The following DPY19L1 variants were observed in gnomAD, a reference collection of about 807,000 sequenced individuals.
The protein encoded by DPY19L1 is protein C-mannosyl-transferase DPY19L1.
Under a neutral mutation model 96.9 loss-of-function variants are expected in DPY19L1, and 35 were observed. The ratio of observed to expected loss-of-function variants is 0.36; its 90% confidence interval spans 0.28 to 0.48. The LOEUF (loss-of-function observed/expected upper bound fraction) is 0.48. DPY19L1 is among the 20% of genes least tolerant of loss of function. The probability of loss-of-function intolerance (pLI) is 0.99; values close to 1 mark genes in which losing one functional copy is unlikely to be tolerated. For missense variants in DPY19L1, 521 were observed against 777.9 expected (o/e 0.67, Z 3.93); for synonymous variants, 205 against 252.6 (o/e 0.81, Z 1.79).
At chr7:34,967,587 T>G (rs1427272762) in intron 9 of DPY19L1, among the ~76,000 whole-genome samples, 1 of 152,218 alleles carries the variant, frequency 6.6e-6, no homozygotes, top group Non-Finnish European at 1.5e-5. Context: ...CTAAGAGTAC[T>G]GGAATTATTT....
chr7:35,003,733 G>T (rs1049002830), intron 6 of DPY19L1, among the ~76,000 whole-genome samples: 1 of 152,164 alleles, frequency 6.6e-6, no homozygotes, highest in Non-Finnish European at 1.5e-5. Context: ...AACCTATATG[G>T]GATTTCTCAG....
chr7:34,936,465 AAG>A (rs1409441116), intron 21 of DPY19L1, among the ~76,000 whole-genome samples: 3 of 152,206 alleles, frequency 2.0e-5, no homozygotes, highest in Admixed American at 6.5e-5. Context: ...CAGTTGTTTC[AAG>A]AGAGTGAAGC....
chr7:34,997,609 CAAAAAAAAAA>C (rs3048611), intron 6 of DPY19L1, among the ~76,000 whole-genome samples: 2 of 75,658 alleles, frequency 2.6e-5, no homozygotes, highest in Non-Finnish European at 5.1e-5. Context: ...GACTCCGTCT[CAAAAAAAAAA>C]AAAAAAAAAA....
rs146547361 is a variant in DPY19L1 at position 35,031,222 on chromosome 7, G to A, written c.298+5875C>T. On this transcript the variant is annotated intron_variant, in intron 1 of 21. Transcript: ENST00000638088. ...CAACCTCAGATTGAAAATAGTAGGC[G>A]GAAAAAAAATCCATCTGTACTGAAC... Among the ~76,000 whole-genome samples, 199 of 151,830 alleles carry A rather than the reference G, an allele frequency of 1.3e-3. 1 individual carries two copies. The highest frequency in any genetic ancestry group is 1.5e-3 in the South Asian group (7 of 4,812).
chr7:34,935,589 A>C (rs1290342811), intron 21 of DPY19L1, among the ~76,000 whole-genome samples: 1 of 152,120 alleles, frequency 6.6e-6, no homozygotes, highest in African/African-American at 2.4e-5. Context: ...CCAGGCACAG[A>C]TTAAGCACTA....
intron 8 of DPY19L1, among the ~76,000 whole-genome samples, chr7:34,969,822 T>C (rs542875330): frequency 1.3e-5 from 2 of 152,310 alleles, no homozygotes; most frequent in South Asian, 4.1e-4. Flanking sequence ...TGACTGAATA[T>C]TTAAAAATAC....
In DPY19L1 at chr7:34,930,622, A is replaced by G. The variant is rs1783733235; in HGVS notation, c.*951T>C. ...TACTACAGTCTACTGTTCCACTATA[A>G]ATGATGTCTAATCAAATATACATTA... On this transcript the variant is annotated 3_prime_UTR_variant, in exon 22 of 22. Transcript: ENST00000638088. 1 of 152,188 alleles carries G rather than the reference A, an allele frequency of 6.6e-6. No homozygotes were observed. Among genetic ancestry groups the G allele is most frequent in the Non-Finnish European group, 1.5e-5 (1 of 68,036 alleles). The allele number at this position is 152,188 out of a possible 1,614,324, so 9.4% of individuals were successfully genotyped here.
intron 1 of DPY19L1, among the ~76,000 whole-genome samples, chr7:35,036,030 C>A (rs1043541850): frequency 6.6e-6 from 1 of 152,086 alleles, no homozygotes; most frequent in Non-Finnish European, 1.5e-5. Flanking sequence ...CTAGGAACAA[C>A]CTTCTTGAGC....
intron 20 of DPY19L1, 127 bp downstream of exon 20, chr7:34,939,149 C>T: frequency 1.3e-6 from 1 of 781,226 alleles, no homozygotes; most frequent in South Asian, 2.2e-5. Context: ...GCTTTCTGCT[C>T]CCTGACTCGA....
intron 7 of DPY19L1, among the ~76,000 whole-genome samples, chr7:34,989,155 CA>C (rs938387771): frequency 6.6e-5 from 10 of 151,932 alleles, no homozygotes; most frequent in African/African-American, 2.4e-4. Context: ...AAATATTTTG[CA>C]AAAAGTACTT....
At chr7:34,957,266 C>G (rs1784398909) in intron 11 of DPY19L1, among the ~76,000 whole-genome samples, 1 of 152,110 alleles carries the variant, frequency 6.6e-6, no homozygotes, top group African/African-American at 2.4e-5. Context: ...CCTGTAATCG[C>G]AGCTACTTGG....
chr7:34,931,785 A>T, intron 21 of DPY19L1, 56 bp from the exon 22 acceptor site: 5 of 1,523,640 alleles, frequency 3.3e-6, no homozygotes, highest in Non-Finnish European at 4.4e-6. Context: ...ACTGCAGAGA[A>T]AGCAGAGCAC....
At chr7:34,997,088 TTAGAG>T (rs1785303383) in intron 6 of DPY19L1, among the ~76,000 whole-genome samples, 1 of 152,018 alleles carries the variant, frequency 6.6e-6, no homozygotes, top group South Asian at 2.1e-4. Context: ...AGGCTGGGCA[TTAGAG>T]TAGACAGAAG....
At chr7:34,966,048 T>A (rs1480547938) in intron 10 of DPY19L1, among the ~76,000 whole-genome samples, 1 of 152,066 alleles carries the variant, frequency 6.6e-6, no homozygotes, top group Non-Finnish European at 1.5e-5. Context: ...TATTTTTTTT[T>A]AATAGAGATG....
chr7:34,943,487 T>C (rs1236177100), intron 16 of DPY19L1, among the ~76,000 whole-genome samples: 2 of 152,236 alleles, frequency 1.3e-5, no homozygotes, highest in Non-Finnish European at 2.9e-5. Flanking sequence ...TACTTTTTAC[T>C]ACATCATGCT....
At chr7:34,948,259 G>A (rs993457157) in intron 14 of DPY19L1, among the ~76,000 whole-genome samples, 8 of 152,024 alleles carry the variant, frequency 5.3e-5, no homozygotes, top group African/African-American at 1.5e-4. Flanking sequence ...AAAAACCACT[G>A]TTAAAATTTT....
chr7:35,003,706 T>G (rs917943762), intron 6 of DPY19L1, among the ~76,000 whole-genome samples: 1 of 152,232 alleles, frequency 6.6e-6, no homozygotes, highest in African/African-American at 2.4e-5. Context: ...TCCTGAGGAA[T>G]CAGGCTCCTG....
intron 6 of DPY19L1, among the ~76,000 whole-genome samples, chr7:34,992,232 T>A (rs1340303172): frequency 6.6e-6 from 1 of 152,244 alleles, no homozygotes; most frequent in African/African-American, 2.4e-5. Context: ...AGCATTTTAG[T>A]GTTTTGTTTT....
At chr7:34,991,969 G>A (rs996906558) in intron 6 of DPY19L1, among the ~76,000 whole-genome samples, 1 of 152,072 alleles carries the variant, frequency 6.6e-6, no homozygotes, top group Non-Finnish European at 1.5e-5. Flanking sequence ...TCAGTTTCTT[G>A]CTATAATAAA....
Sources: gnomAD v4.1 joint callset for allele counts (sites outside exome capture counted in the v4.1 genomes callset) on GRCh38, gnomAD v4.1.1 for gene constraint, MANE v1.5 for transcripts, NCBI Gene and HGNC (gene_info 2026-07-23, HGNC 2026-07-21) for gene names.